HNRNPA3: variants seen among roughly 807,000 people sequenced by gnomAD.
HNRNPA3 encodes epididymis secretory sperm binding protein.
Under a neutral mutation model 45.8 loss-of-function variants are expected in HNRNPA3, and 3 were observed. That is an observed-to-expected ratio of 0.07 (90% CI 0.03 to 0.17). The LOEUF is 0.17. Among genes scored for constraint, HNRNPA3 ranks in the 10% least tolerant of loss-of-function variants. The pLI is 1.00. For missense variants in HNRNPA3, 183 were observed against 480.3 expected (o/e 0.38, Z 5.79); for synonymous variants, 170 against 155.6 (o/e 1.09, Z -0.69).
intron 8 of HNRNPA3, 36 bp downstream of exon 8, chr2:177,217,881 T>G (rs1410559531): frequency 6.6e-7 from 1 of 1,511,886 alleles, no homozygotes; most frequent in Non-Finnish European, 8.9e-7. Context: ...ATGTTAAATA[T>G]TCAGTGTTGC....
chr2:177,216,472 T>G (rs746768955), intron 4 of HNRNPA3, 31 bp from the exon 5 acceptor site: 9 of 1,522,378 alleles, frequency 5.9e-6, no homozygotes, highest in Non-Finnish European at 8.2e-6. Context: ...TAAAATAACT[T>G]TTTGTTTTGT....
At chr2:177,213,230 A>T (rs1255625641) in intron 1 of HNRNPA3, among the ~76,000 whole-genome samples, 1 of 152,190 alleles carries the variant, frequency 6.6e-6, no homozygotes, top group Non-Finnish European at 1.5e-5. Context: ...GAGCAGGCAC[A>T]TCCGGGCGAG....
chr2:177,220,860 G>C (rs956790175), downstream of HNRNPA3: 1 of 152,520 alleles, frequency 6.6e-6, no homozygotes, highest in Admixed American at 6.5e-5. Flanking sequence ...CTACTGTTTT[G>C]CTCCAGCTAG....
chr2:177,216,419 A>G (rs191940236), intron 4 of HNRNPA3, 84 bp from the exon 5 acceptor site: 10 of 949,962 alleles, frequency 1.1e-5, no homozygotes, highest in Non-Finnish European at 1.5e-5. Flanking sequence ...TTAATGGGTT[A>G]CATAATGACA....
Position 177,216,489 on chromosome 2 carries a change from G to T in HNRNPA3, c.554-14G>T, listed in dbSNP as rs1688945788. 2 of 1,598,774 alleles carry T rather than the reference G, an allele frequency of 1.3e-6. No homozygotes were observed. Among genetic ancestry groups the T allele is most frequent in the Non-Finnish European group, 1.7e-6 (2 of 1,168,854 alleles). ...AAATAACTTTTTGTTTTGTTTGATTGAAAAAAAATTTAGTTCAGAAATACC... is the reference window on the plus strand; with the variant it reads ...AAATAACTTTTTGTTTTGTTTGATTTAAAAAAAATTTAGTTCAGAAATACC... On this transcript the variant is annotated splice_polypyrimidine_tract_variant and intron_variant, in intron 4 of 10. Coordinates refer to ENST00000392524, the Ensembl canonical transcript of HNRNPA3.
chr2:177,222,303 A>C (rs1259229136), downstream of HNRNPA3: 1 of 152,248 alleles, frequency 6.6e-6, no homozygotes, highest in African/African-American at 2.4e-5. Context: ...AGTTTTAAAA[A>C]TTCCCCTGCG....
chr2:177,214,444 G>A (rs1362660061), intron 1 of HNRNPA3, among the ~76,000 whole-genome samples: 2 of 152,154 alleles, frequency 1.3e-5, no homozygotes, highest in African/African-American at 4.8e-5. Context: ...TGAAAGCAGT[G>A]AGTTTCTGTA....
chr2:177,213,876 G>A (rs1446078049), intron 1 of HNRNPA3, among the ~76,000 whole-genome samples: 1 of 152,176 alleles, frequency 6.6e-6, no homozygotes, highest in Non-Finnish European at 1.5e-5. Flanking sequence ...CATTTAATGT[G>A]GATCCTAAAT....
At chr2:177,215,450 T>C (rs1688891920) in intron 1 of HNRNPA3, 89 bp from the exon 2 acceptor site, 5 of 1,324,300 alleles carry the variant, frequency 3.8e-6, no homozygotes, top group Non-Finnish European at 5.3e-6. Context: ...TTGATGTTGA[T>C]TTTATTACTT....
At chr2:177,217,033 T>C (rs962063475) in intron 7 of HNRNPA3, 93 bp downstream of exon 7, 2 of 1,274,728 alleles carry the variant, frequency 1.6e-6, no homozygotes, top group African/African-American at 1.5e-5. Flanking sequence ...AGTTAAAACT[T>C]CAGTGGCTAA....
At chr2:177,217,382 T>TCTAG (rs1315337085) in intron 7 of HNRNPA3, among the ~76,000 whole-genome samples, 2 of 152,250 alleles carry the variant, frequency 1.3e-5, no homozygotes, top group African/African-American at 4.8e-5. Flanking sequence ...GTTGAGTAAT[T>TCTAG]CTAGCTATTC....
chr2:177,215,636 A>C, exon 2 of HNRNPA3: 1 of 1,613,972 alleles, frequency 6.2e-7, no homozygotes, highest in Non-Finnish European at 8.5e-7. Context: ...CATTTTGAGA[A>C]ATGGGGCACA....
rs762812944 is a variant in HNRNPA3 at position 177,217,745 on chromosome 2, G to A, written c.861G>A (p.Gly287=). The change falls in exon 8 of 11, where the codon GGG becomes GGA. Residue 287 remains glycine, a synonymous_variant. Transcript: ENST00000392524. ...GTGGTCCTGGTTATAGTAGTAGAGG[G>A]GGCTATGGTGGTGGTGGACCAGGAT... 2.0e-5 allele frequency: 32 copies of A among 1,613,148 alleles called. No homozygotes were observed. The South Asian group carries it at 3.1e-4, about 16-fold the overall frequency.
intron 10 of HNRNPA3, 31 bp downstream of exon 10, chr2:177,219,345 T>C: frequency 6.8e-7 from 1 of 1,478,860 alleles, no homozygotes; most frequent in Non-Finnish European, 9.4e-7. Context: ...ATTATGATGA[T>C]AAAAGAATAT....
chr2:177,223,608 A>C (rs1410831264), downstream of HNRNPA3: 1 of 152,254 alleles, frequency 6.6e-6, no homozygotes, highest in East Asian at 1.9e-4. Context: ...AATAATCACA[A>C]ATTGAAACCT....
intron 1 of HNRNPA3, among the ~76,000 whole-genome samples, chr2:177,213,165 A>G (rs1034136327): frequency 2.8e-5 from 4 of 143,342 alleles, no homozygotes; most frequent in African/African-American, 1.0e-4. Context: ...CGAGGGCGGC[A>G]TGGCGGGCCC....
chr2:177,216,389 A>G lies in HNRNPA3; in HGVS notation c.554-114A>G, dbSNP rs1241924794. 5.2e-6 allele frequency: 4 copies of G among 773,948 alleles called. No homozygotes were observed. In the Admixed American group the frequency reaches 7.6e-5, roughly 15 times the overall value. The allele number at this position is 773,948 out of a possible 1,614,324, so 47.9% of individuals were successfully genotyped here. A position where few individuals can be genotyped will look rare whatever the true frequency, so the allele number is the denominator to read the frequency against. ...TCTCAGAATGCTCCTTCATTACCAG[A>G]GTCACTACCTGATTATGTCTTAATG... On this transcript the variant is annotated intron_variant, in intron 4 of 10. Transcript: ENST00000392524.
chr2:177,216,412 A>G, intron 4 of HNRNPA3, 91 bp from the exon 5 acceptor site: 1 of 900,356 alleles, frequency 1.1e-6, no homozygotes, highest in Admixed American at 2.2e-5. Flanking sequence ...TTATGTCTTA[A>G]TGGGTTACAT....
chr2:177,216,642 A>G, intron 5 of HNRNPA3, 34 bp from the exon 6 acceptor site: 1 of 1,613,426 alleles, frequency 6.2e-7, no homozygotes, highest in South Asian at 1.1e-5. Flanking sequence ...GGTGTTTGTA[A>G]GGTTCTTAAA....
Sources: gnomAD v4.1 joint callset for allele counts (sites outside exome capture counted in the v4.1 genomes callset) on GRCh38, gnomAD v4.1.1 for gene constraint, MANE v1.5 for transcripts, NCBI Gene and HGNC (gene_info 2026-07-23, HGNC 2026-07-21) for gene names.